The following PRKD1 variants were observed in gnomAD, a reference collection of about 807,000 sequenced individuals.
PRKD1 encodes serine/threonine-protein kinase D1.
Under a neutral mutation model 95.9 loss-of-function variants are expected in PRKD1, and 63 were observed. That is an observed-to-expected ratio of 0.66 (90% CI 0.54 to 0.81). The LOEUF is 0.81. PRKD1 is among the 30% of genes least tolerant of loss of function. PRKD1 has a pLI of 0.00. For synonymous variants in PRKD1, 425 were observed against 423.1 expected (o/e 1.00, Z -0.05); for missense variants, 1,048 against 1,165.3 (o/e 0.90, Z 1.47).
At chr14:29,766,322 G>A (rs1888254933) in intron 1 of PRKD1, among the ~76,000 whole-genome samples, 1 of 152,088 alleles carries the variant, frequency 6.6e-6, no homozygotes, top group Non-Finnish European at 1.5e-5. Context: ...GATTCTCCTT[G>A]ATAGCTTTCT....
At chr14:29,904,745 T>C (rs1432426389) in intron 1 of PRKD1, among the ~76,000 whole-genome samples, 1 of 152,158 alleles carries the variant, frequency 6.6e-6, no homozygotes, top group Non-Finnish European at 1.5e-5. Context: ...ACAGCTTAGC[T>C]CATAATTCTT....
At chr14:29,707,242 C>T (rs2056621746) in intron 2 of PRKD1, among the ~76,000 whole-genome samples, 1 of 151,850 alleles carries the variant, frequency 6.6e-6, no homozygotes, top group Non-Finnish European at 1.5e-5. Flanking sequence ...ACTAGGATTA[C>T]ACAATAGAAA....
intron 1 of PRKD1, among the ~76,000 whole-genome samples, chr14:29,918,580 T>C (rs918949687): frequency 1.3e-5 from 2 of 152,178 alleles, no homozygotes; most frequent in Admixed American, 6.5e-5. Context: ...GCCTTTTCAA[T>C]TTACCACTTG....
At chr14:29,643,975 C>T (rs1880965511) in intron 4 of PRKD1, among the ~76,000 whole-genome samples, 1 of 152,138 alleles carries the variant, frequency 6.6e-6, no homozygotes, top group Non-Finnish European at 1.5e-5. Flanking sequence ...AGCATACACG[C>T]CAACATCTCT....
intron 1 of PRKD1, among the ~76,000 whole-genome samples, chr14:29,885,557 T>TA (rs998501924): frequency 2.5e-4 from 37 of 150,956 alleles, no homozygotes; most frequent in African/African-American, 5.3e-4. Flanking sequence ...ACAGCTTATT[T>TA]AAAAAAAAAC....
chr14:29,859,022 A>G (rs1347366804), intron 1 of PRKD1, among the ~76,000 whole-genome samples: 2 of 152,200 alleles, frequency 1.3e-5, no homozygotes, highest in African/African-American at 4.8e-5. Flanking sequence ...GGTCTTTACT[A>G]CTAAACCAAT....
intron 1 of PRKD1, among the ~76,000 whole-genome samples, chr14:29,897,667 G>C (rs1244218869): frequency 6.6e-6 from 1 of 152,154 alleles, no homozygotes; most frequent in Non-Finnish European, 1.5e-5. Flanking sequence ...CAGGTAAAGT[G>C]CTGGGTACTT....
At chr14:29,806,691 GA>G (rs961607111) in intron 1 of PRKD1, among the ~76,000 whole-genome samples, 4 of 152,120 alleles carry the variant, frequency 2.6e-5, no homozygotes, top group Non-Finnish European at 5.9e-5. Context: ...AAAACTTAAA[GA>G]AAAGAAAAAG....
intron 1 of PRKD1, among the ~76,000 whole-genome samples, chr14:29,872,939 A>C (rs567688217): frequency 6.6e-6 from 1 of 151,626 alleles, no homozygotes; most frequent in African/African-American, 2.4e-5. Context: ...ACATCAGCAC[A>C]AACAACTTCT....
At chr14:29,744,982 C>T (rs1300095652) in intron 1 of PRKD1, among the ~76,000 whole-genome samples, 1 of 152,168 alleles carries the variant, frequency 6.6e-6, no homozygotes, top group African/African-American at 2.4e-5. Flanking sequence ...CTTCTTCTAC[C>T]TCTTTTCCTC....
chr14:29,905,152 A>G (rs1205490745), intron 1 of PRKD1, among the ~76,000 whole-genome samples: 2 of 152,210 alleles, frequency 1.3e-5, no homozygotes, highest in Non-Finnish European at 2.9e-5. Flanking sequence ...ACCCCTGAGA[A>G]GGGTTTGGCG....
intron 2 of PRKD1, among the ~76,000 whole-genome samples, chr14:29,676,008 T>G (rs1330031096): frequency 6.7e-6 from 1 of 148,186 alleles, no homozygotes; most frequent in Non-Finnish European, 1.5e-5. Context: ...AGGGATAACA[T>G]TAGGAGATAT....
intron 1 of PRKD1, among the ~76,000 whole-genome samples, chr14:29,781,892 GCT>G (rs1889063737): frequency 6.6e-6 from 1 of 152,160 alleles, no homozygotes; most frequent in South Asian, 2.1e-4. Flanking sequence ...TTTAAAAGAT[GCT>G]CTGAGATGTA....
At chr14:29,901,526 A>G (rs147252293) in intron 1 of PRKD1, among the ~76,000 whole-genome samples, 24 of 152,334 alleles carry the variant, frequency 1.6e-4, no homozygotes, top group Admixed American at 1.0e-3. Context: ...AACAGCAACA[A>G]CAATAGTAGA....
rs1180977995 is a variant in PRKD1, at chr14:29,704,500, T to G, written c.403+21036A>C. Among the ~76,000 whole-genome samples the G allele has an allele frequency of 2.6e-5, 4 of 152,150 alleles. No individual in the cohort carries two copies. In the East Asian group the frequency reaches 7.7e-4, roughly 29 times the overall value. ...ATTTTCTGATTGGAGAACTACACTCTAAGGAATCCTTCAAAAAGCCTTCAA... is the reference window on the plus strand; with the variant it reads ...ATTTTCTGATTGGAGAACTACACTCGAAGGAATCCTTCAAAAAGCCTTCAA... On this transcript the variant is annotated intron_variant, in intron 2 of 17. Transcript: ENST00000331968.
At position 29,629,086 on chromosome 14, in the gene PRKD1, G is replaced by A; in HGVS notation, c.1680C>T (p.Ile560=). ...VGTGTNLHRD[I]SVSISVSNCQ... Reference sequence around the variant, plus strand: ...AATTTGATACTGAAATACTCACAGAGATATCTCCTGGAAATGCATGTAAAA... The same window carrying A: ...AATTTGATACTGAAATACTCACAGAAATATCTCCTGGAAATGCATGTAAAA... Residue 560 remains isoleucine, a synonymous_variant, in exon 11 of 18, where the codon ATC becomes ATT. Coordinates refer to ENST00000331968, the MANE Select transcript of PRKD1 (RefSeq NM_002742.3). The A allele has an allele frequency of 6.2e-7, 1 of 1,607,792 alleles. No individual in the cohort carries two copies.
chr14:29,744,317 T>C (rs919674076), intron 1 of PRKD1, among the ~76,000 whole-genome samples: 1 of 152,212 alleles, frequency 6.6e-6, no homozygotes, highest in African/African-American at 2.4e-5. Flanking sequence ...CCTGGATTTA[T>C]CTTTGAATTT....
intron 2 of PRKD1, among the ~76,000 whole-genome samples, chr14:29,690,385 GCTT>G (rs1449756908): frequency 6.6e-6 from 1 of 152,112 alleles, no homozygotes; most frequent in Non-Finnish European, 1.5e-5. Context: ...TCTCTTCTAT[GCTT>G]CTTATTTCAA....
intron 1 of PRKD1, among the ~76,000 whole-genome samples, chr14:29,752,746 T>A (rs1295964752): frequency 6.6e-6 from 1 of 152,104 alleles, no homozygotes; most frequent in East Asian, 1.9e-4. Context: ...TTAATTTCAC[T>A]TTTCTGTTTG....
Sources: allele counts gnomAD v4.1 joint callset (sites outside exome capture counted in the v4.1 genomes callset), GRCh38; gene constraint gnomAD v4.1.1; transcripts MANE v1.5; gene names NCBI Gene and HGNC (gene_info 2026-07-23, HGNC 2026-07-21).